The following COL4A2 variants were observed in gnomAD, a reference collection of about 807,000 sequenced individuals.
The protein encoded by COL4A2 is collagen type IV alpha 2 chain.
Under a neutral mutation model 200.2 loss-of-function variants are expected in COL4A2, and 99 were observed. That is an observed-to-expected ratio of 0.49 (90% CI 0.42 to 0.58). The LOEUF is 0.58. Ranked by LOEUF, COL4A2 falls within the 20% of genes least tolerant of loss-of-function variation. COL4A2 has a pLI of 0.00. For synonymous variants in COL4A2, 897 were observed against 900.6 expected (o/e 1.00, Z 0.07); for missense variants, 1,950 against 2,314.1 (o/e 0.84, Z 3.23).
rs765987514 is a variant in COL4A2 at position 110,493,266 on chromosome 13, C to T, written c.3618C>T (p.Gly1206=). 1.9e-6 allele frequency: 3 copies of T among 1,614,026 alleles called. No homozygotes were observed. The change falls in exon 39 of 48, where the codon GGC becomes GGT. Residue 1206 remains glycine (G), a synonymous_variant. Transcript: ENST00000360467. ...RGLHGLPGTK[G]FPGSPGSDIH... ...TACACGGCTTGCCAGGCACCAAGGG[C>T]TTTCCAGGATCCCCAGGTACTCTGT...
chr13:110,510,053 A>G (rs1007086827), intron 47 of COL4A2, among the ~76,000 whole-genome samples: 1 of 152,202 alleles, frequency 6.6e-6, no homozygotes, highest in African/African-American at 2.4e-5. Flanking sequence ...AGCATATGGT[A>G]CCACTAGGGC....
At chr13:110,342,035 C>T (rs978821646) in intron 3 of COL4A2, among the ~76,000 whole-genome samples, 2 of 152,172 alleles carry the variant, frequency 1.3e-5, no homozygotes, top group South Asian at 2.1e-4. Flanking sequence ...TAGTGACGAA[C>T]AGAGAATGGG....
At chr13:110,434,357 A>T (rs1399486514) in intron 11 of COL4A2, 44 bp from the exon 12 acceptor site, 1 of 1,570,112 alleles carries the variant, frequency 6.4e-7, no homozygotes, top group Admixed American at 1.8e-5. Context: ...TTTCTCTCTG[A>T]TTATTGGCTT....
intron 14 of COL4A2, 65 bp from the exon 15 acceptor site, chr13:110,438,553 T>A: frequency 6.3e-7 from 1 of 1,588,412 alleles, no homozygotes; most frequent in South Asian, 1.1e-5. Flanking sequence ...GGATGACACG[T>A]GGGCCCTGTT....
At chr13:110,314,737 G>A (rs1046092377) in intron 3 of COL4A2, among the ~76,000 whole-genome samples, 1 of 152,164 alleles carries the variant, frequency 6.6e-6, no homozygotes, top group African/African-American at 2.4e-5. Context: ...GCCCATACGC[G>A]CTCACCCCTA....
intron 4 of COL4A2, among the ~76,000 whole-genome samples, chr13:110,362,631 A>G (rs866357450): frequency 6.6e-6 from 1 of 151,920 alleles, no homozygotes; most frequent in African/African-American, 2.4e-5. Context: ...TTCTTTTTCT[A>G]TTCTCTTTTC....
chr13:110,445,257 A>G (rs974381736), intron 16 of COL4A2, among the ~76,000 whole-genome samples: 2 of 152,224 alleles, frequency 1.3e-5, no homozygotes. Flanking sequence ...GAGAGTTTCA[A>G]CAGTTGGTTC....
At chr13:110,481,891 G>A (rs1165116470) in intron 31 of COL4A2, among the ~76,000 whole-genome samples, 2 of 31,564 alleles carry the variant, frequency 6.3e-5, no homozygotes, top group Non-Finnish European at 1.2e-4. Flanking sequence ...CTGTCCCTCC[G>A]TGCTGGAGAC....
At chr13:110,369,451 A>T (rs72655777) in intron 4 of COL4A2, among the ~76,000 whole-genome samples, 11,906 of 152,096 alleles carry the variant, frequency 0.078, 583 homozygotes, top group Middle Eastern at 0.12. Flanking sequence ...CCCAAATCCA[A>T]AACACTTCTG....
intron 34 of COL4A2, 150 bp downstream of exon 34, chr13:110,485,986 G>A (rs956054601): frequency 5.5e-6 from 7 of 1,276,780 alleles, no homozygotes; most frequent in Non-Finnish European, 7.4e-6. Flanking sequence ...ACACAGCCCT[G>A]GAAGGAGCTG....
intron 18 of COL4A2, 124 bp downstream of exon 18, chr13:110,446,988 TAATAAAAAAAATAAAA>T: frequency 1.8e-6 from 1 of 570,990 alleles, no homozygotes; most frequent in Non-Finnish European, 2.6e-6. Flanking sequence ...AGTATAATAA[TAATAAAAAAAATAAAA>T]AATAAACCAC....
intron 4 of COL4A2, among the ~76,000 whole-genome samples, chr13:110,388,610 GA>G (rs1878863617): frequency 6.6e-6 from 1 of 152,136 alleles, no homozygotes; most frequent in Non-Finnish European, 1.5e-5. Flanking sequence ...GGCATATGGT[GA>G]AAAAGTGTCC....
At position 110,332,091 on chromosome 13, in the gene COL4A2, CAT is replaced by C; in HGVS notation, c.99+23969_99+23970del. Among the ~76,000 whole-genome samples the C allele has an allele frequency of 2.6e-5, 4 of 152,298 alleles. No homozygotes were observed. The East Asian group carries it at 7.7e-4, about 29-fold the overall frequency. On this transcript the variant is annotated intron_variant, in intron 3 of 47. Transcript: ENST00000360467. ...CTGTTGTGTTTTCTGTATGTAAAAT[CAT>C]GTGATCTGCAAATAATGATGGTTTT...
chr13:110,324,613 C>T (rs1157653686), intron 3 of COL4A2, among the ~76,000 whole-genome samples: 1 of 152,216 alleles, frequency 6.6e-6, no homozygotes, highest in Non-Finnish European at 1.5e-5. Context: ...TCAGGCAGGT[C>T]TGGGGCTCCT....
At position 110,423,695 on chromosome 13, in the gene COL4A2, T is replaced by G. The variant is rs185181825; in HGVS notation, c.181-1039T>G. On this transcript the variant is annotated intron_variant, in intron 4 of 47. Transcript: ENST00000360467. ...CTCATCTTCCCAAACCGAAGCTCTG[T>G]CCCCATGAAAACACTGCCTCCCCCT... Among the ~76,000 whole-genome samples the G allele has an allele frequency of 3.5e-3, 540 of 152,212 alleles. 9 individuals are homozygous for G. Among genetic ancestry groups the G allele is most frequent in the Non-Finnish European group, 7.5e-4 (51 of 68,010 alleles).
At chr13:110,321,161 G>A (rs1444787753) in intron 3 of COL4A2, among the ~76,000 whole-genome samples, 7 of 150,904 alleles carry the variant, frequency 4.6e-5, no homozygotes, top group African/African-American at 1.5e-4. Context: ...ATATATGTGC[G>A]TATTTATATA....
intron 4 of COL4A2, among the ~76,000 whole-genome samples, chr13:110,361,647 A>C (rs768321847): frequency 6.6e-6 from 1 of 152,250 alleles, no homozygotes; most frequent in Non-Finnish European, 1.5e-5. Context: ...TCATGTGACC[A>C]GTGAATGAGC....
Position 110,473,005 on chromosome 13 carries a change from G to T in COL4A2, c.2280G>T (p.Leu760=), listed in dbSNP as rs995241327. 1 of 1,528,072 alleles carries T rather than the reference G, an allele frequency of 6.5e-7. No homozygotes were observed. The highest frequency in any genetic ancestry group is 8.8e-7 in the Non-Finnish European group (1 of 1,138,676). The allele number at this position is 1,528,072 out of a possible 1,614,324, so 94.7% of individuals were successfully genotyped here. The change falls in exon 29 of 48, where the codon CTG becomes CTT. Residue 760 remains leucine, a synonymous_variant. Coordinates refer to ENST00000360467, the MANE Select transcript of COL4A2 (RefSeq NM_001846.4). The part of the protein sequence containing the change: ...GPDGSPGPIG[L]PGPDGPPGER... The stretch of plus-strand genomic sequence containing the variant: ...ATGGATCCCCAGGTCCCATCGGCCT[G>T]CCAGGGCCAGATGGGCCCCCTGGGG...
At chr13:110,351,086 T>C (rs1239104381) in intron 3 of COL4A2, among the ~76,000 whole-genome samples, 1 of 152,218 alleles carries the variant, frequency 6.6e-6, no homozygotes, top group East Asian at 1.9e-4. Flanking sequence ...TCTTGCTCTG[T>C]TGCCCAGGCT....
Sources: gnomAD v4.1 joint callset for allele counts (sites outside exome capture counted in the v4.1 genomes callset) on GRCh38, gnomAD v4.1.1 for gene constraint, MANE v1.5 for transcripts, NCBI Gene and HGNC (gene_info 2026-07-23, HGNC 2026-07-21) for gene names.